Variants in CUL5 observed in about 807,000 individuals in gnomAD.
The protein encoded by CUL5 is cullin 5, also known as cullin-5.
A neutral mutation model predicts 108.8 loss-of-function variants in CUL5; 26 were observed. The ratio of observed to expected loss-of-function variants is 0.24; its 90% confidence interval spans 0.18 to 0.33. The LOEUF (loss-of-function observed/expected upper bound fraction) is 0.33, where lower values mean the gene tolerates loss of function less well. Among genes scored for constraint, CUL5 ranks in the 10% least tolerant of loss-of-function variants. The pLI is 1.00. For synonymous variants in CUL5, 334 were observed against 298.0 expected, an observed-to-expected ratio of 1.12 and a Z score of -1.25; for missense variants, 524 against 909.2, an observed-to-expected ratio of 0.58 and a Z score of 5.45.
In CUL5 at chr11:108,018,548, G is replaced by C. The variant is rs980679331; in HGVS notation, c.24+9176G>C. On this transcript the variant is annotated intron_variant, in intron 1 of 18. Coordinates refer to ENST00000393094, the MANE Select transcript of CUL5 (RefSeq NM_003478.6). ...AAATTAGCTGAGTGTGGTGGCACAT[G>C]CCAGTAGTCCCAGCTACGCAGGAGG... Among the ~76,000 whole-genome samples the C allele has an allele frequency of 5.9e-5, 9 of 152,058 alleles. No homozygotes were observed. The East Asian group carries it at 1.6e-3, about 26-fold the overall frequency.
chr11:108,047,361 G>C (rs987501172), intron 3 of CUL5, among the ~76,000 whole-genome samples: 4 of 152,094 alleles, frequency 2.6e-5, no homozygotes, highest in African/African-American at 9.7e-5. Flanking sequence ...TGGCTAGAAG[G>C]CTAGGCTAGA....
intron 5 of CUL5, 51 bp downstream of exon 5, chr11:108,052,852 A>T: frequency 6.6e-7 from 1 of 1,519,254 alleles, no homozygotes; most frequent in Non-Finnish European, 9.0e-7. Context: ...GAAATTGTAG[A>T]ACAATTATGG....
chr11:108,031,544 A>AC (rs1862584146), intron 1 of CUL5, among the ~76,000 whole-genome samples: 1 of 152,186 alleles, frequency 6.6e-6, no homozygotes, highest in African/African-American at 2.4e-5. Flanking sequence ...CATTTATTGA[A>AC]CAGGGAGTCC....
chr11:108,050,230 T>A (rs565187603), intron 4 of CUL5, among the ~76,000 whole-genome samples, 164 bp downstream of exon 4: 146 of 152,346 alleles, frequency 9.6e-4, no homozygotes, highest in African/African-American at 3.4e-3. Context: ...TTTTTGTCTT[T>A]AGCTTCAATC....
chr11:108,064,013 CTCTT>C (rs1380424747), intron 7 of CUL5, among the ~76,000 whole-genome samples: 1 of 152,200 alleles, frequency 6.6e-6, no homozygotes, highest in East Asian at 1.9e-4. Flanking sequence ...AATTTGGATG[CTCTT>C]TCTTTCTCTT....
intron 1 of CUL5, among the ~76,000 whole-genome samples, chr11:108,022,094 C>CTTGGTCTCCCAAA (rs61676080): frequency 0.6 from 91,031 of 151,912 alleles, 28,676 homozygotes; most frequent in East Asian, 0.9. Flanking sequence ...ATCCTCCCAC[C>CTTGGTCTCCCAAA]GTGCTGGAAT....
intron 1 of CUL5, among the ~76,000 whole-genome samples, chr11:108,031,735 C>T (rs1174325315): frequency 6.6e-6 from 1 of 152,190 alleles, no homozygotes; most frequent in Non-Finnish European, 1.5e-5. Flanking sequence ...TTCATCACAG[C>T]ACTGTTCACT....
At chr11:108,043,361 A>C (rs973150054) in intron 2 of CUL5, among the ~76,000 whole-genome samples, 1 of 152,244 alleles carries the variant, frequency 6.6e-6, no homozygotes, top group African/African-American at 2.4e-5. Flanking sequence ...GACATGAGCC[A>C]ATATGCCTGG....
chr11:108,100,050 T>A (rs1591337407), intron 18 of CUL5, among the ~76,000 whole-genome samples: 1 of 152,148 alleles, frequency 6.6e-6, no homozygotes, highest in East Asian at 1.9e-4. Flanking sequence ...AAGTTCAAAA[T>A]TTTAAAATTT....
rs140175655 is a variant in CUL5 at position 108,028,610 on chromosome 11, G to T, written c.25-5192G>T. Reference sequence around the variant, plus strand: ...TCACAGCACTTTCGGAGGCCGAAGCGGGCGGATCACAAGGTCACGAGTTAG... The same window carrying T: ...TCACAGCACTTTCGGAGGCCGAAGCTGGCGGATCACAAGGTCACGAGTTAG... On this transcript the variant is annotated intron_variant, in intron 1 of 18. Transcript: ENST00000393094. 9.2e-5 allele frequency among the ~76,000 whole-genome samples: 14 copies of T among 152,164 alleles called. 3 individuals are homozygous for T. The highest frequency in any genetic ancestry group is 3.4e-4 in the African/African-American group (14 of 41,516).
chr11:108,098,058 G>A (rs1864543319), intron 17 of CUL5, among the ~76,000 whole-genome samples: 2 of 148,226 alleles, frequency 1.3e-5, no homozygotes, highest in Admixed American at 1.3e-4. Flanking sequence ...GTTTTGTTTC[G>A]TTTTTGTTTT....
At chr11:108,031,696 TG>T (rs773147292) in intron 1 of CUL5, among the ~76,000 whole-genome samples, 7 of 152,334 alleles carry the variant, frequency 4.6e-5, no homozygotes, top group Non-Finnish European at 1.0e-4. Context: ...ACTACAGTGC[TG>T]TCGTATAAAG....
rs1381956142 is a variant in CUL5 at position 108,106,258 on chromosome 11, G to A, written c.*1874G>A. 6.6e-6 allele frequency: 1 copy of A among 152,502 alleles called. No individual in the cohort carries two copies. The highest frequency in any genetic ancestry group is 2.4e-5 in the African/African-American group (1 of 41,432). 9.4% of individuals were successfully genotyped at this position (152,502 alleles called of 1,614,324 possible). On this transcript the variant is annotated 3_prime_UTR_variant, in exon 19 of 19. Transcript: ENST00000393094. ...GTCCCAATACAAGAATGCCAAAGGAGGAAACAGGAAAAATTGCCGTCCATT... is the reference window on the plus strand; with the variant it reads ...GTCCCAATACAAGAATGCCAAAGGAAGAAACAGGAAAAATTGCCGTCCATT...
At chr11:108,038,625 A>G (rs1305230523) in intron 2 of CUL5, among the ~76,000 whole-genome samples, 1 of 151,716 alleles carries the variant, frequency 6.6e-6, no homozygotes, top group Non-Finnish European at 1.5e-5. Flanking sequence ...CAGTGAGCCA[A>G]GATTGCACCA....
At chr11:108,103,086 A>G (rs1184658762) in intron 18 of CUL5, among the ~76,000 whole-genome samples, 1 of 152,212 alleles carries the variant, frequency 6.6e-6, no homozygotes, top group Non-Finnish European at 1.5e-5. Flanking sequence ...ATGAGCCACC[A>G]CACCCGGCAT....
intron 2 of CUL5, among the ~76,000 whole-genome samples, chr11:108,040,214 T>C (rs1047062595): frequency 1.3e-5 from 2 of 152,230 alleles, no homozygotes; most frequent in African/African-American, 2.4e-5. Context: ...ATGTGATGGC[T>C]CATGCCTGTA....
intron 1 of CUL5, among the ~76,000 whole-genome samples, chr11:108,027,033 C>T (rs963848639): frequency 1.3e-5 from 2 of 151,874 alleles, no homozygotes; most frequent in Non-Finnish European, 1.5e-5. Context: ...TTCCTCTCAC[C>T]CTATCAATTA....
chr11:108,052,656 C>G lies in CUL5; in HGVS notation c.412-4C>G, dbSNP rs1863263185. ...TATGTTACAATTTGTTCTTGTTTTC[C>G]TAGCTTATGCTTGATACATGGAATG... On this transcript the variant is annotated splice_polypyrimidine_tract_variant and splice_region_variant and intron_variant, in intron 4 of 18. Coordinates refer to ENST00000393094, the MANE Select transcript of CUL5 (RefSeq NM_003478.6). 2 of 1,592,832 alleles carry G rather than the reference C, an allele frequency of 1.3e-6. No homozygotes were observed. Among genetic ancestry groups the G allele is most frequent in the South Asian group, 1.1e-5 (1 of 87,096 alleles).
intron 3 of CUL5, among the ~76,000 whole-genome samples, chr11:108,047,373 TTTC>T (rs1397020471): frequency 6.6e-6 from 1 of 152,140 alleles, no homozygotes; most frequent in Non-Finnish European, 1.5e-5. Context: ...TAGGCTAGAA[TTTC>T]TTATTTTTTA....
Sources: allele counts gnomAD v4.1 joint callset (sites outside exome capture counted in the v4.1 genomes callset), GRCh38; gene constraint gnomAD v4.1.1; transcripts MANE v1.5; gene names NCBI Gene and HGNC (gene_info 2026-07-23, HGNC 2026-07-21).